The following TXNRD2 variants were observed in gnomAD, a reference collection of about 807,000 sequenced individuals.
TXNRD2 encodes thioredoxin reductase 2.
Under a neutral mutation model 70.8 loss-of-function variants are expected in TXNRD2, and 67 were observed. The ratio of observed to expected loss-of-function variants is 0.95; its 90% CI spans 0.78 to 1.16. TXNRD2 has a LOEUF of 1.16. Among genes scored for constraint, TXNRD2 ranks in the 50% most tolerant of loss-of-function variants. The pLI is 0.00. For synonymous variants in TXNRD2, 301 were observed against 295.8 expected, an observed-to-expected ratio of 1.02 and a Z score of -0.18; for missense variants, 644 against 719.9, an observed-to-expected ratio of 0.89 and a Z score of 1.21.
At chr22:19,892,040 CTGTG>C (rs953198106) in intron 11 of TXNRD2, among the ~76,000 whole-genome samples, 2 of 152,104 alleles carry the variant, frequency 1.3e-5, no homozygotes, top group African/African-American at 4.8e-5. Flanking sequence ...TGGGCCCCTT[CTGTG>C]TGTGTGTGCA....
rs766834367 is a variant in TXNRD2 at position 19,919,588 on chromosome 22, C to T, written c.184G>A (p.Gly62Arg). Residue 62 changes from glycine to arginine, a missense_variant, in exon 3 of 18, where the codon GGA (glycine) becomes AGA (arginine). Physicochemically the swap from Gly to Arg is moderately radical, Grantham distance 125 (BLOSUM62 -2). Transcript: ENST00000400521. ...LACAKEAAQLGRKVAVVDYVE... is the reference protein window; with the variant it reads ...LACAKEAAQLRRKVAVVDYVE... ...TAGTCCACCACGGCCACCTTCCTTC[C>T]CAGCTGGGCGGCTGGAAGGATAAGG... is the stretch of plus-strand genomic sequence containing the variant. 6.4e-7 allele frequency: 1 copy of T among 1,562,224 alleles called. No individual in the cohort carries two copies. Among genetic ancestry groups the T allele is most frequent in the South Asian group, 1.2e-5 (1 of 84,536 alleles).
chr22:19,934,394 A>C (rs1232784448), intron 1 of TXNRD2, among the ~76,000 whole-genome samples: 1 of 151,056 alleles, frequency 6.6e-6, no homozygotes. Flanking sequence ...AAAAAAAAAA[A>C]AAAAAAACTG....
intron 11 of TXNRD2, among the ~76,000 whole-genome samples, chr22:19,893,504 C>T (rs4819845): frequency 0.82 from 124,934 of 152,194 alleles, 52,051 homozygotes; most frequent in East Asian, 0.97. Flanking sequence ...ATGGCCTCCT[C>T]TGCAGCAGGC....
intron 8 of TXNRD2, among the ~76,000 whole-genome samples, chr22:19,907,578 G>A (rs1244894301): frequency 2.8e-5 from 1 of 35,540 alleles, no homozygotes; most frequent in African/African-American, 1.4e-4. Context: ...GGGCGCCGTG[G>A]GTAGCAGTGA....
chr22:19,924,980 TG>T (rs1333692015), intron 2 of TXNRD2, among the ~76,000 whole-genome samples: 1 of 121,392 alleles, frequency 8.2e-6, no homozygotes, highest in Non-Finnish European at 1.7e-5. Flanking sequence ...TTTAAAGTAC[TG>T]AAAAAAAAAA....
chr22:19,912,281 AC>A (rs376333124), intron 7 of TXNRD2, among the ~76,000 whole-genome samples: 166 of 152,334 alleles, frequency 1.1e-3, no homozygotes, highest in African/African-American at 3.8e-3. Flanking sequence ...TCTCAGGTTT[AC>A]TCAAGGAAAA....
intron 2 of TXNRD2, among the ~76,000 whole-genome samples, chr22:19,921,739 T>C (rs1209454174): frequency 6.6e-6 from 1 of 152,118 alleles, no homozygotes; most frequent in African/African-American, 2.4e-5. Context: ...AGGAGGGGGC[T>C]GCCCAGAGAA....
chr22:19,899,893 G>A (rs1407561945), intron 8 of TXNRD2, among the ~76,000 whole-genome samples: 2 of 152,076 alleles, frequency 1.3e-5, no homozygotes, highest in Non-Finnish European at 2.9e-5. Context: ...AACCTAACAC[G>A]AACAAGAACT....
rs79850332 is a variant in TXNRD2 at position 19,919,519 on chromosome 22, C to T, written c.229+24G>A. ...CTCCCACCTCCTTCCCCAGGACACC[C>T]GGCTCCCATAGGGTGCTGCCTACCT... On this transcript the variant is annotated intron_variant, in intron 3 of 17. Coordinates refer to ENST00000400521, the MANE Select transcript of TXNRD2 (RefSeq NM_006440.5). 486 of 1,553,712 alleles carry T rather than the reference C, an allele frequency of 3.1e-4. 2 individuals are homozygous for T. The East Asian group carries it at 0.011, about 34-fold the overall frequency.
At chr22:19,920,629 T>G (rs1476672364) in intron 2 of TXNRD2, among the ~76,000 whole-genome samples, 1 of 151,890 alleles carries the variant, frequency 6.6e-6, no homozygotes, top group Non-Finnish European at 1.5e-5. Flanking sequence ...CTAGGGCTAA[T>G]TTCAAGCTTC....
At chr22:19,893,334 C>T (rs1018967104) in intron 11 of TXNRD2, among the ~76,000 whole-genome samples, 3 of 152,214 alleles carry the variant, frequency 2.0e-5, no homozygotes, top group Admixed American at 6.5e-5. Flanking sequence ...AGGTTGCTCC[C>T]GCCTTCAACA....
chr22:19,928,683 G>C (rs1941244248), intron 2 of TXNRD2, among the ~76,000 whole-genome samples: 1 of 152,168 alleles, frequency 6.6e-6, no homozygotes, highest in Admixed American at 6.6e-5. Context: ...TTCAGAATGT[G>C]ACTGTATTTA....
intron 2 of TXNRD2, among the ~76,000 whole-genome samples, chr22:19,924,529 C>T (rs1941046257): frequency 6.6e-6 from 1 of 152,122 alleles, no homozygotes; most frequent in Admixed American, 6.6e-5. Flanking sequence ...AGCTCACTGC[C>T]CCACTAGCCA....
intron 2 of TXNRD2, among the ~76,000 whole-genome samples, chr22:19,919,915 C>T (rs1467501541): frequency 6.6e-6 from 1 of 152,216 alleles, no homozygotes; most frequent in East Asian, 1.9e-4. Context: ...ATCCACCCCT[C>T]ACAGTGCTGG....
Position 19,941,805 on chromosome 22 carries a change from G to C in TXNRD2, c.-2C>G. ...CAGCGCCACCGCCATTGCCGCCATC[G>C]TCGTGGGGCTTCTGGGGCAGCTAGG... On this transcript the variant is annotated 5_prime_UTR_variant, in exon 1 of 18. Coordinates refer to ENST00000400521, the MANE Select transcript of TXNRD2 (RefSeq NM_006440.5). 1 of 1,533,380 alleles carries C rather than the reference G, an allele frequency of 6.5e-7. No individual in the cohort carries two copies. The highest frequency in any genetic ancestry group is 1.2e-5 in the South Asian group (1 of 83,148). 95.0% of individuals were successfully genotyped at this position (1,533,380 alleles called of 1,614,324 possible). A position where few individuals can be genotyped will look rare whatever the true frequency, so the allele number is the denominator to read the frequency against.
chr22:19,909,742 CCACACACACCCACACCCTTCA>C (rs1940270472), intron 8 of TXNRD2, among the ~76,000 whole-genome samples: 1 of 136,560 alleles, frequency 7.3e-6, no homozygotes, highest in Non-Finnish European at 1.6e-5. Context: ...CACACACACA[CCACACACACCCACACCCTTCA>C]CACACACACA....
intron 7 of TXNRD2, among the ~76,000 whole-genome samples, chr22:19,914,698 G>A (rs1940557201): frequency 6.6e-6 from 1 of 152,160 alleles, no homozygotes; most frequent in African/African-American, 2.4e-5. Context: ...AGGGATGATG[G>A]AAGGAGTTCT....
chr22:19,894,887 C>G (rs1939425518), intron 11 of TXNRD2: 2 of 858,344 alleles, frequency 2.3e-6, no homozygotes, highest in South Asian at 1.8e-5. Flanking sequence ...ACCCAGGAGG[C>G]TGAGGCAGGA....
At chr22:19,884,449 G>C (rs1180971054) in intron 11 of TXNRD2, 1 of 152,260 alleles carries the variant, frequency 6.6e-6, no homozygotes, top group African/African-American at 2.4e-5. Context: ...CCCTGCTGCA[G>C]GGCCACCAGC....
Sources: allele counts gnomAD v4.1 joint callset (sites outside exome capture counted in the v4.1 genomes callset), GRCh38; gene constraint gnomAD v4.1.1; transcripts MANE v1.5; gene names NCBI Gene and HGNC (gene_info 2026-07-23, HGNC 2026-07-21).